Variants in ARB2A observed in about 807,000 individuals in gnomAD.
The protein encoded by ARB2A is cotranscriptional regulator ARB2A.
chr5:94,025,325 C>T, the ARB2A span, among the ~76,000 whole-genome samples: 13 of 152,222 alleles, frequency 8.5e-5, 1 homozygote, highest in Non-Finnish European at 1.8e-4. Flanking sequence ...TGGATGGCTG[C>T]CTTCTCACTA....
the ARB2A span, among the ~76,000 whole-genome samples, chr5:94,009,879 CCT>C: frequency 2.7e-4 from 40 of 149,278 alleles, 1 homozygote; most frequent in Non-Finnish European, 2.4e-4. Flanking sequence ...GTAGTGATAC[CCT>C]CTCTCGTATC....
At chr5:93,814,138 G>A in the ARB2A span, among the ~76,000 whole-genome samples, 1 of 151,970 alleles carries the variant, frequency 6.6e-6, no homozygotes, top group East Asian at 1.9e-4. Context: ...TCTATCTTGT[G>A]GCTCAGGCCT....
chr5:93,728,619 T>C, the ARB2A span, among the ~76,000 whole-genome samples: 5 of 152,038 alleles, frequency 3.3e-5, no homozygotes, highest in African/African-American at 1.2e-4. Context: ...AAACCATTAA[T>C]TTCTCTGGAC....
At chr5:93,749,366 T>C in the ARB2A span, among the ~76,000 whole-genome samples, 1 of 152,192 alleles carries the variant, frequency 6.6e-6, no homozygotes, top group Non-Finnish European at 1.5e-5. Context: ...AAGTTTGTTC[T>C]TAATGCATTT....
the ARB2A span, among the ~76,000 whole-genome samples, chr5:93,699,532 G>C: frequency 6.6e-6 from 1 of 151,924 alleles, no homozygotes; most frequent in Non-Finnish European, 1.5e-5. Flanking sequence ...TCAGTTTTTT[G>C]ACAGTTTCGA....
At chr5:93,968,322 T>C in the ARB2A span, among the ~76,000 whole-genome samples, 1 of 151,962 alleles carries the variant, frequency 6.6e-6, no homozygotes, top group African/African-American at 2.4e-5. Context: ...ATTGGAAAAA[T>C]GCACCACATA....
the ARB2A span, among the ~76,000 whole-genome samples, chr5:93,749,398 CTG>C: frequency 1.3e-5 from 2 of 152,148 alleles, no homozygotes; most frequent in African/African-American, 4.8e-5. Flanking sequence ...ATTGTGGTAA[CTG>C]AACTTTGAAT....
At chr5:93,747,527 C>A in the ARB2A span, among the ~76,000 whole-genome samples, 1 of 152,136 alleles carries the variant, frequency 6.6e-6, no homozygotes, top group Non-Finnish European at 1.5e-5. Context: ...TTAAAAACTT[C>A]TTTCAGCATT....
At chr5:93,897,912 C>G in the ARB2A span, among the ~76,000 whole-genome samples, 1 of 151,858 alleles carries the variant, frequency 6.6e-6, no homozygotes, top group Non-Finnish European at 1.5e-5. Context: ...TTTAGAATCT[C>G]CATCGTTGTA....
the ARB2A span, among the ~76,000 whole-genome samples, chr5:94,049,741 A>C: frequency 6.6e-6 from 1 of 152,164 alleles, no homozygotes; most frequent in Admixed American, 6.5e-5. Context: ...GAATCGCTTG[A>C]ACCAGGCAGG....
chr5:93,949,638 G>C, the ARB2A span, among the ~76,000 whole-genome samples: 93 of 152,032 alleles, frequency 6.1e-4, 1 homozygote, highest in Non-Finnish European at 1.2e-3. Context: ...CATTTATCCT[G>C]TGTGTTACAA....
chr5:93,784,241 A>C, the ARB2A span: 18 of 631,496 alleles, frequency 2.9e-5, no homozygotes, highest in Non-Finnish European at 4.6e-5. Flanking sequence ...TATTTTAAAC[A>C]TGTCTAGCTT....
chr5:94,032,275 G>A, the ARB2A span, among the ~76,000 whole-genome samples: 1 of 152,200 alleles, frequency 6.6e-6, no homozygotes, highest in African/African-American at 2.4e-5. Context: ...ACATGGTGCT[G>A]TCATCTACTC....
the ARB2A span, chr5:93,805,341 T>C: frequency 7.1e-6 from 7 of 985,224 alleles, no homozygotes; most frequent in Non-Finnish European, 8.4e-6. Flanking sequence ...AGGATTTCAC[T>C]GAACAAGTTT....
the ARB2A span, among the ~76,000 whole-genome samples, chr5:93,855,487 T>C: frequency 1.7e-3 from 262 of 152,300 alleles, 1 homozygote; most frequent in African/African-American, 5.1e-3. Flanking sequence ...ATGTGTGAAT[T>C]TGATCCTGTC....
the ARB2A span, among the ~76,000 whole-genome samples, chr5:93,687,249 C>A: frequency 4.9e-3 from 751 of 152,160 alleles, 6 homozygotes; most frequent in African/African-American, 0.016. Flanking sequence ...TGATTTTTTG[C>A]AGAATAACAA....
At chr5:93,919,510 G>C in the ARB2A span, among the ~76,000 whole-genome samples, 7 of 152,116 alleles carry the variant, frequency 4.6e-5, no homozygotes, top group Admixed American at 4.6e-4. Flanking sequence ...GAAGGGAATT[G>C]TAATTCTTAA....
the ARB2A span, among the ~76,000 whole-genome samples, chr5:93,638,868 G>A: frequency 6.6e-6 from 1 of 151,598 alleles, no homozygotes; most frequent in African/African-American, 2.4e-5. Context: ...TACTGATTTT[G>A]TATCCAGCAA....
chr5:93,658,883 T>G, the ARB2A span, among the ~76,000 whole-genome samples: 1 of 149,370 alleles, frequency 6.7e-6, no homozygotes, highest in South Asian at 2.1e-4. Flanking sequence ...ATTTTAACTA[T>G]GATGTCTTAC....
Sources: allele counts gnomAD v4.1 joint callset (sites outside exome capture counted in the v4.1 genomes callset), GRCh38; gene constraint gnomAD v4.1.1; transcripts MANE v1.5; gene names NCBI Gene and HGNC (gene_info 2026-07-23, HGNC 2026-07-21).